Variants in SP110 observed in about 807,000 individuals in gnomAD.
SP110 encodes the protein SP110 nuclear body protein, also known as interferon-induced protein 41, 30kD.
SP110 carries 62 observed loss-of-function variants against 92.7 expected under a neutral mutation model. The observed-to-expected ratio is 0.67, with a 90% CI of 0.55 to 0.83. The LOEUF is 0.83. SP110 is among the 40% of genes least tolerant of loss of function. The probability of loss-of-function intolerance (pLI) is 0.00; values close to 1 mark genes in which losing one functional copy is unlikely to be tolerated. For synonymous variants in SP110, 273 were observed against 305.3 expected (o/e 0.89, Z 1.10); for missense variants, 793 against 863.9 (o/e 0.92, Z 1.03).
chr2:230,178,910 A>G (rs1325795247), intron 12 of SP110, among the ~76,000 whole-genome samples: 2 of 152,212 alleles, frequency 1.3e-5, no homozygotes, highest in Non-Finnish European at 2.9e-5. Flanking sequence ...AATCTCAGCA[A>G]TTCCTGCTGC....
At chr2:230,219,786 C>G in intron 1 of SP110, 88 bp downstream of exon 1, 1 of 331,080 alleles carries the variant, frequency 3.0e-6, no homozygotes, top group Non-Finnish European at 4.3e-6. Context: ...AATAGTTGAA[C>G]TCCACCCTGC....
At chr2:230,213,413 C>T (rs995523600) in intron 3 of SP110, among the ~76,000 whole-genome samples, 2 of 152,146 alleles carry the variant, frequency 1.3e-5, no homozygotes, top group Non-Finnish European at 1.5e-5. Flanking sequence ...GATCATACTT[C>T]CCCGAAGCAA....
chr2:230,185,771 A>T (rs2148748346), intron 11 of SP110, among the ~76,000 whole-genome samples: 1 of 152,316 alleles, frequency 6.6e-6, no homozygotes, highest in Non-Finnish European at 1.5e-5. Context: ...GGGAGTAGTC[A>T]TGTAAATCCA....
chr2:230,213,131 C>A, intron 3 of SP110, 104 bp from the exon 4 acceptor site: 1 of 1,097,970 alleles, frequency 9.1e-7, no homozygotes, highest in Non-Finnish European at 1.4e-6. Context: ...GGGCATGGAG[C>A]TATTCATTGT....
chr2:230,199,647 G>A (rs1234813560), intron 10 of SP110, among the ~76,000 whole-genome samples: 1 of 151,818 alleles, frequency 6.6e-6, no homozygotes, highest in Non-Finnish European at 1.5e-5. Flanking sequence ...GCCTAGAATG[G>A]CATAATAACA....
At chr2:230,196,788 C>A (rs1208755013) in intron 10 of SP110, among the ~76,000 whole-genome samples, 2 of 151,554 alleles carry the variant, frequency 1.3e-5, no homozygotes, top group Admixed American at 1.3e-4. Context: ...TGAGAACATG[C>A]AGTGTTTGGT....
rs1574626925 is a variant in SP110, at chr2:230,186,211, AG to A, written c.1130-69del. 4 of 1,480,168 alleles carry A rather than the reference AG, an allele frequency of 2.7e-6. No homozygotes were observed. In the East Asian group the frequency reaches 6.8e-5, roughly 25 times the overall value. The allele number at this position is 1,480,168 out of a possible 1,614,324, so 91.7% of individuals were successfully genotyped here. On this transcript the variant is annotated intron_variant, in intron 10 of 18. Coordinates refer to ENST00000258381, the MANE Select transcript of SP110 (RefSeq NM_080424.4). ...TCATGTTCCCAGCCCCTACCCTTTC[AG>A]GAGTTATCTTGCCATTTCTCTATAA...
chr2:230,223,792 A>G (rs1022921061), upstream of SP110, among the ~76,000 whole-genome samples: 4 of 152,218 alleles, frequency 2.6e-5, no homozygotes, highest in Non-Finnish European at 5.9e-5. Context: ...CCCCAATTCC[A>G]GGTGTCAGAT....
intron 5 of SP110, 22 bp downstream of exon 5, chr2:230,212,325 T>C: frequency 6.4e-7 from 1 of 1,569,116 alleles, no homozygotes; most frequent in Non-Finnish European, 8.8e-7. Context: ...AGCTAAGCGG[T>C]ATCAGCCCCA....
At chr2:230,182,588 AGGTGGGAGCATTC>A (rs1241729484) in intron 12 of SP110, among the ~76,000 whole-genome samples, 1 of 152,102 alleles carries the variant, frequency 6.6e-6, no homozygotes, top group Non-Finnish European at 1.5e-5. Context: ...AGCAGGAACG[AGGTGGGAGCATTC>A]GGTATCTGGT....
At chr2:230,178,372 G>T in intron 12 of SP110, 117 bp from the exon 13 acceptor site, 1 of 694,478 alleles carries the variant, frequency 1.4e-6, no homozygotes, top group Admixed American at 2.0e-5. Flanking sequence ...TCTCTGGTTA[G>T]TTTGCAGGAA....
At chr2:230,201,584 C>T (rs532501297) in intron 9 of SP110, among the ~76,000 whole-genome samples, 29 of 152,332 alleles carry the variant, frequency 1.9e-4, no homozygotes, top group African/African-American at 6.7e-4. Flanking sequence ...ACATATCTGA[C>T]ATCTTAATAT....
Position 230,212,368 on chromosome 2 carries a change from G to C in SP110, c.646C>G (p.Leu216Val), listed in dbSNP as rs759693595. Residue 216 changes from leucine (L) to valine (V), a missense_variant, in exon 5 of 19, where the codon CTC becomes GTC. By Grantham distance (32) the Leu-to-Val change is conservative. Coordinates refer to ENST00000258381, the MANE Select transcript of SP110 (RefSeq NM_080424.4). ...AEEDSEEMPS[L>V]LTSTVQVASD... ...TTACCTTGCACAGTGCTAGTGAGGA[G>C]GCTGGGCATCTCTTCTGAGTCTTCT... 3.7e-6 allele frequency: 6 copies of C among 1,612,830 alleles called. No individual in the cohort carries two copies. The Admixed American group carries it at 1.0e-4, about 27-fold the overall frequency.
rs200910716 is a variant in SP110 at position 230,186,126 on chromosome 2, G to C, written c.1147C>G (p.His383Asp). 24 of 1,614,058 alleles carry C rather than the reference G, an allele frequency of 1.5e-5. No individual in the cohort carries two copies. Among genetic ancestry groups the C allele is most frequent in the South Asian group, 2.2e-5 (2 of 91,084 alleles). Residue 383 changes from histidine (H) to aspartate (D), a missense_variant, in exon 11 of 19, where the codon CAT becomes GAT. His to Asp is a moderately conservative substitution (Grantham distance 81, BLOSUM62 -1). Coordinates refer to ENST00000258381, the MANE Select transcript of SP110 (RefSeq NM_080424.4). ...ACTTGGAGCTTCTCTTGGATGCCAT[G>C]CCCAGGTGAGGCTGCCCCTGGACCA... Reference protein sequence around the residue: ...RVTQGAASPGHGIQEKLQVVD... With the variant: ...RVTQGAASPGDGIQEKLQVVD...
In SP110 at chr2:230,171,695, C is replaced by T. The variant is rs1371932272; in HGVS notation, c.1887+1G>A. ...CAAGAGAACCGTAAAATGTGACTTA[C>T]ATTAAATGGGATGCCCGTAAAAAAG... On this transcript the variant is annotated splice_donor_variant, in intron 17 of 18. Transcript: ENST00000258381. LOFTEE classifies it high-confidence loss of function. 1.2e-6 allele frequency: 2 copies of T among 1,610,898 alleles called. No homozygotes were observed. Among genetic ancestry groups the T allele is most frequent in the Admixed American group, 1.7e-5 (1 of 60,028 alleles).
chr2:230,178,053 T>C lies in SP110; in HGVS notation c.1447+104A>G. 2.6e-6 allele frequency: 2 copies of C among 762,604 alleles called. 1 individual carries two copies. Among genetic ancestry groups the C allele is most frequent in the South Asian group, 2.9e-5 (2 of 68,298 alleles). 47.2% of individuals were successfully genotyped at this position (762,604 alleles called of 1,614,324 possible). A position where few individuals can be genotyped will look rare whatever the true frequency, so the allele number is the denominator to read the frequency against. ...AGAAGCGTTTCTTCTGCAGTCTAGCTAGCAGGGTCCATTTCCTGATCAATT... is the reference window on the plus strand; with the variant it reads ...AGAAGCGTTTCTTCTGCAGTCTAGCCAGCAGGGTCCATTTCCTGATCAATT... On this transcript the variant is annotated intron_variant, in intron 13 of 18. Transcript: ENST00000258381.
intron 18 of SP110, 140 bp downstream of exon 18, chr2:230,170,481 G>A (rs2078407497): frequency 6.2e-6 from 6 of 963,216 alleles, no homozygotes; most frequent in African/African-American, 1.6e-5. Context: ...GAATGCCGAG[G>A]TGGTTTTTTT....
At chr2:230,176,657 G>C in intron 14 of SP110, 2 of 1,613,714 alleles carry the variant, frequency 1.2e-6, no homozygotes, top group Non-Finnish European at 1.7e-6. Flanking sequence ...TGAGAGGGTA[G>C]TAGAAATTCA....
At chr2:230,222,585 A>G (rs1313577758), upstream of SP110, among the ~76,000 whole-genome samples, 1 of 151,944 alleles carries the variant, frequency 6.6e-6, no homozygotes, top group African/African-American at 2.4e-5. Flanking sequence ...TTAATTGGGC[A>G]TGTTGGCATA....
Sources: gnomAD v4.1 joint callset for allele counts (sites outside exome capture counted in the v4.1 genomes callset) on GRCh38, gnomAD v4.1.1 for gene constraint, MANE v1.5 for transcripts, NCBI Gene and HGNC (gene_info 2026-07-23, HGNC 2026-07-21) for gene names.